Variants in CUL1 observed in about 807,000 individuals in gnomAD.
The protein encoded by CUL1 is cullin-1.
In CUL1, 24 loss-of-function variants were observed where a neutral mutation model predicts 118.0. The observed-to-expected ratio is 0.20, with a 90% CI of 0.15 to 0.29. The LOEUF is 0.29. CUL1 is among the 10% of genes least tolerant of loss of function. CUL1 has a pLI of 1.00. For synonymous variants in CUL1, 332 were observed against 340.4 expected (o/e 0.98, Z 0.27); for missense variants, 361 against 933.8 (o/e 0.39, Z 7.99).
chr7:148,736,711 T>G (rs1456817435), intron 2 of CUL1, among the ~76,000 whole-genome samples: 5 of 152,246 alleles, frequency 3.3e-5, no homozygotes. Context: ...TTCAGCATAT[T>G]TTAATAATAG....
At chr7:148,699,975 A>T in intron 1 of CUL1, among the ~76,000 whole-genome samples, 1 of 152,072 alleles carries the variant, frequency 6.6e-6, no homozygotes, top group East Asian at 1.9e-4. Flanking sequence ...TGTGTAGCGC[A>T]GACATAAGAT....
chr7:148,702,304 G>A (rs1563143881), intron 1 of CUL1, among the ~76,000 whole-genome samples: 1 of 152,118 alleles, frequency 6.6e-6, no homozygotes, highest in Non-Finnish European at 1.5e-5. Flanking sequence ...ATTTATTTTT[G>A]CTTAGGTATA....
At chr7:148,782,557 G>A (rs1216719610) in intron 9 of CUL1, among the ~76,000 whole-genome samples, 1 of 152,072 alleles carries the variant, frequency 6.6e-6, no homozygotes, top group Non-Finnish European at 1.5e-5. Context: ...CTTATCAAAT[G>A]TTTATGTCAG....
chr7:148,719,413 G>A (rs1374598565), intron 1 of CUL1, among the ~76,000 whole-genome samples: 4 of 152,172 alleles, frequency 2.6e-5, no homozygotes, highest in Non-Finnish European at 5.9e-5. Context: ...TTGTTTGAAT[G>A]AGAGTTTCCA....
In CUL1 at chr7:148,755,130, T is replaced by A. The variant is rs145281627; in HGVS notation, c.315+980T>A. On this transcript the variant is annotated intron_variant, in intron 3 of 21. Transcript: ENST00000325222. ...TTCACTGTGAATATCCATTTCCTTC[T>A]AGCGTAGGTCCCTCCCACTCCAAGC... 1.3e-3 allele frequency among the ~76,000 whole-genome samples: 197 copies of A among 152,298 alleles called. 1 individual carries two copies. The highest frequency in any genetic ancestry group is 1.6e-4 in the Non-Finnish European group (11 of 68,018).
At position 148,759,174 on chromosome 7, in the gene CUL1, T is replaced by C. The variant is rs1483897155; in HGVS notation, c.484-130T>C. ...GAGTGGCTTTCTGCTTTTGTCCTGA[T>C]AGCAGATTTTGACCAACTTGTAATC... is the stretch of plus-strand genomic sequence containing the variant. On this transcript the variant is annotated intron_variant, in intron 4 of 21. Transcript: ENST00000325222. The C allele has an allele frequency of 3.8e-6, 3 of 791,606 alleles. No homozygotes were observed. In the East Asian group the frequency reaches 7.9e-5, roughly 21 times the overall value. 49.0% of individuals were successfully genotyped at this position (791,606 alleles called of 1,614,324 possible). A position where few individuals can be genotyped will look rare whatever the true frequency, so the allele number is the denominator to read the frequency against.
chr7:148,744,786 A>G (rs1216822995), intron 2 of CUL1, among the ~76,000 whole-genome samples: 1 of 152,192 alleles, frequency 6.6e-6, no homozygotes, highest in African/African-American at 2.4e-5. Context: ...GCAGGTCTCT[A>G]CTATGAATTC....
At chr7:148,783,745 A>G (rs188226657) in intron 9 of CUL1, 38 bp from the exon 10 acceptor site, 26 of 1,607,024 alleles carry the variant, frequency 1.6e-5, no homozygotes, top group Non-Finnish European at 2.1e-5. Context: ...TTAATCCCCA[A>G]TAACCAACTT....
chr7:148,699,652 C>T (rs1797652329), intron 1 of CUL1, among the ~76,000 whole-genome samples: 1 of 152,116 alleles, frequency 6.6e-6, no homozygotes, highest in Non-Finnish European at 1.5e-5. Context: ...GTGCAGGGCG[C>T]TATTATTGGG....
At chr7:148,760,268 G>A in intron 6 of CUL1, 65 bp from the exon 7 acceptor site, 1 of 1,355,516 alleles carries the variant, frequency 7.4e-7, no homozygotes, top group Non-Finnish European at 1.0e-6. Context: ...CTACACCTAA[G>A]TATATTCTGT....
chr7:148,754,248 C>G (rs1264300047), intron 3 of CUL1, 98 bp downstream of exon 3: 2 of 776,126 alleles, frequency 2.6e-6, no homozygotes, highest in African/African-American at 1.8e-5. Context: ...TCATCTGTTA[C>G]TGTTTTAGAC....
intron 1 of CUL1, among the ~76,000 whole-genome samples, chr7:148,700,425 G>A (rs1797687082): frequency 6.6e-6 from 1 of 152,188 alleles, no homozygotes; most frequent in African/African-American, 2.4e-5. Flanking sequence ...CTGAAATCCT[G>A]GAGAGTGTAT....
At chr7:148,722,784 C>T (rs1157520626) in intron 1 of CUL1, among the ~76,000 whole-genome samples, 2 of 152,348 alleles carry the variant, frequency 1.3e-5, no homozygotes, top group East Asian at 3.9e-4. Flanking sequence ...TAGTCATTTG[C>T]AGGTGGGGCC....
rs1799790775 is a variant in CUL1, at chr7:148,760,272, A to G, written c.626-61A>G. 17 of 1,412,216 alleles carry G rather than the reference A, an allele frequency of 1.2e-5. No individual in the cohort carries two copies. In the South Asian group the frequency reaches 2.1e-4, roughly 17 times the overall value. The allele number at this position is 1,412,216 out of a possible 1,614,324, so 87.5% of individuals were successfully genotyped here. On this transcript the variant is annotated intron_variant, in intron 6 of 21. Coordinates refer to ENST00000325222, the MANE Select transcript of CUL1 (RefSeq NM_003592.3). The stretch of plus-strand genomic sequence containing the variant: ...TAAACTGAATGCTACACCTAAGTAT[A>G]TTCTGTGAAATATAACCAAAAAAAT...
intron 1 of CUL1, among the ~76,000 whole-genome samples, chr7:148,708,699 G>A (rs1480055206): frequency 6.6e-6 from 1 of 152,116 alleles, no homozygotes; most frequent in Non-Finnish European, 1.5e-5. Context: ...ATGCTAACAT[G>A]CTTTTTAAAA....
At chr7:148,738,297 C>A (rs1195902581) in intron 2 of CUL1, among the ~76,000 whole-genome samples, 1 of 152,320 alleles carries the variant, frequency 6.6e-6, no homozygotes, top group East Asian at 1.9e-4. Context: ...GTACCTGGCA[C>A]TGGACAGGTG....
In CUL1 at chr7:148,787,799, G is replaced by T. The variant is rs770682418; in HGVS notation, c.1479+679G>T. 6.6e-6 allele frequency among the ~76,000 whole-genome samples: 1 copy of T among 152,184 alleles called. No individual in the cohort carries two copies. Among genetic ancestry groups the T allele is most frequent in the East Asian group, 1.9e-4 (1 of 5,194 alleles). ...CTGGGCTTGGTTACTTTGCTGTCAC[G>T]CAGCCCTTCCTCTGCCACCTCCTTT... On this transcript the variant is annotated intron_variant, in intron 13 of 21. Coordinates refer to ENST00000325222, the MANE Select transcript of CUL1 (RefSeq NM_003592.3). This position sits in a 1 kb window ranked among gnomAD's most constrained non-coding sequence, Gnocchi z 5.5.
chr7:148,764,607 T>C (rs1274417773), intron 7 of CUL1, among the ~76,000 whole-genome samples: 1 of 152,242 alleles, frequency 6.6e-6, no homozygotes, highest in Non-Finnish European at 1.5e-5. Flanking sequence ...GAGATGATTA[T>C]GTTCTTCCAA....
chr7:148,774,145 T>C (rs1010733305), intron 9 of CUL1, among the ~76,000 whole-genome samples: 4 of 152,356 alleles, frequency 2.6e-5, no homozygotes, highest in Non-Finnish European at 5.9e-5. Context: ...ATGCAGTCCG[T>C]TACTCTTGTT....
Sources: allele counts gnomAD v4.1 joint callset (sites outside exome capture counted in the v4.1 genomes callset), GRCh38; gene constraint gnomAD v4.1.1; non-coding constraint Gnocchi (gnomAD v3.1); transcripts MANE v1.5; gene names NCBI Gene and HGNC (gene_info 2026-07-23, HGNC 2026-07-21).